Variants in CDH12 observed in about 807,000 individuals in gnomAD.
The protein encoded by CDH12 is cadherin 12, also known as cadherin-12.
A neutral mutation model predicts 74.1 loss-of-function variants in CDH12; 41 were observed. The ratio of observed to expected loss-of-function variants is 0.55; its 90% CI spans 0.43 to 0.72. CDH12 has a LOEUF of 0.72. Among genes scored for constraint, CDH12 ranks in the 30% least tolerant of loss-of-function variants. The pLI is 0.00. For missense variants in CDH12, 945 were observed against 977.2 expected (o/e 0.97, Z 0.44); for synonymous variants, 399 against 355.0 (o/e 1.12, Z -1.39).
At chr5:22,093,407 T>C (rs1035302701) in intron 4 of CDH12, among the ~76,000 whole-genome samples, 2 of 152,168 alleles carry the variant, frequency 1.3e-5, no homozygotes, top group African/African-American at 4.8e-5. Flanking sequence ...CTCATTTACA[T>C]AACACCATGC....
intron 2 of CDH12, among the ~76,000 whole-genome samples, chr5:22,472,570 C>G (rs1746006827): frequency 6.6e-6 from 1 of 152,124 alleles, no homozygotes; most frequent in South Asian, 2.1e-4. Context: ...TTTCCAAACT[C>G]TAACTCCAGA....
At chr5:22,549,651 G>A (rs1738480006) in intron 1 of CDH12, among the ~76,000 whole-genome samples, 2 of 152,046 alleles carry the variant, frequency 1.3e-5, no homozygotes, top group Non-Finnish European at 2.9e-5. Context: ...AGTTCAAAAC[G>A]ACTGGAAATT....
At chr5:22,625,960 C>T (rs567442621) in intron 1 of CDH12, among the ~76,000 whole-genome samples, 3 of 152,112 alleles carry the variant, frequency 2.0e-5, no homozygotes, top group Non-Finnish European at 4.4e-5. Flanking sequence ...GACCTTGCCT[C>T]CCCTCCTCCA....
rs75548122 is a variant in CDH12 at position 21,849,735 on chromosome 5, G to T, written c.646+4936C>A. Among the ~76,000 whole-genome samples, 263 of 151,866 alleles carry T rather than the reference G, an allele frequency of 1.7e-3. 7 individuals carry two copies. The East Asian group carries it at 0.04, about 23-fold the overall frequency. On this transcript the variant is annotated intron_variant, in intron 7 of 14. Coordinates refer to ENST00000382254, the MANE Select transcript of CDH12 (RefSeq NM_004061.5). Reference sequence around the variant, plus strand: ...CTGAGGTGTCTTACTCAGTTCTACAGATTTTATTCTGAATTAATATCAAAA... The same window carrying T: ...CTGAGGTGTCTTACTCAGTTCTACATATTTTATTCTGAATTAATATCAAAA...
intron 5 of CDH12, among the ~76,000 whole-genome samples, chr5:22,022,876 G>A (rs1738077163): frequency 2.0e-5 from 3 of 151,870 alleles, no homozygotes; most frequent in Admixed American, 6.6e-5. Context: ...TTTGTTTTTA[G>A]CTCTATTCCC....
chr5:22,189,424 A>G (rs1012863272), intron 4 of CDH12, among the ~76,000 whole-genome samples: 3 of 152,178 alleles, frequency 2.0e-5, no homozygotes, highest in African/African-American at 7.2e-5. Flanking sequence ...TTCCTATAGA[A>G]TATGGTCAAA....
rs1212567276 is a variant in CDH12, at chr5:22,225,579, A to G, written c.-332-12936T>C. ...ATTGATGAAACATTTTTGTAGATAA[A>G]TGGATAACCTTTTCTTTCTCCTCTT... is the stretch of plus-strand genomic sequence containing the variant. On this transcript the variant is annotated intron_variant, in intron 3 of 14. Transcript: ENST00000382254. 2.0e-5 allele frequency among the ~76,000 whole-genome samples: 3 copies of G among 152,104 alleles called. No individual in the cohort carries two copies. In the South Asian group the frequency reaches 6.2e-4, roughly 31 times the overall value.
At chr5:22,062,537 T>G (rs754701490) in intron 5 of CDH12, among the ~76,000 whole-genome samples, 3 of 152,098 alleles carry the variant, frequency 2.0e-5, no homozygotes, top group African/African-American at 2.4e-5. Flanking sequence ...AATTGTTCCT[T>G]CCACTGTTTT....
intron 6 of CDH12, among the ~76,000 whole-genome samples, chr5:21,866,024 T>C (rs1751308711): frequency 6.6e-6 from 1 of 152,204 alleles, no homozygotes; most frequent in African/African-American, 2.4e-5. Context: ...TGAGATCTGA[T>C]GGTTTTATGA....
chr5:22,183,888 G>C (rs1327357216), intron 4 of CDH12, among the ~76,000 whole-genome samples: 5 of 152,138 alleles, frequency 3.3e-5, no homozygotes, highest in African/African-American at 1.2e-4. Context: ...CAAAGCAAGA[G>C]ACTTGACAGT....
At chr5:22,646,973 C>T (rs1739468190) in intron 1 of CDH12, among the ~76,000 whole-genome samples, 1 of 151,856 alleles carries the variant, frequency 6.6e-6, no homozygotes, top group South Asian at 2.1e-4. Flanking sequence ...TTATATGGCT[C>T]ATAAACTACT....
intron 1 of CDH12, among the ~76,000 whole-genome samples, chr5:22,690,448 G>T (rs1339454436): frequency 6.6e-6 from 1 of 152,136 alleles, no homozygotes; most frequent in African/African-American, 2.4e-5. Context: ...TTGAAAAGCT[G>T]TAATGGTTAG....
intron 3 of CDH12, among the ~76,000 whole-genome samples, chr5:22,386,727 T>C (rs757923862): frequency 5.3e-5 from 8 of 152,168 alleles, no homozygotes; most frequent in South Asian, 2.1e-4. Flanking sequence ...ATTTTGTCTA[T>C]TGTTCATTAA....
chr5:22,631,511 A>G lies in CDH12; in HGVS notation c.-522-126147T>C, dbSNP rs376648714. 2.6e-5 allele frequency among the ~76,000 whole-genome samples: 4 copies of G among 152,166 alleles called. No individual in the cohort carries two copies. The East Asian group carries it at 7.7e-4, about 29-fold the overall frequency. On this transcript the variant is annotated intron_variant, in intron 1 of 14. Coordinates refer to ENST00000382254, the MANE Select transcript of CDH12 (RefSeq NM_004061.5). The stretch of plus-strand genomic sequence containing the variant: ...AACATGGATGGAGCTGGAGGCCATT[A>G]TCTTAAGTGAACCGGTGCAGGGACA...
At position 22,780,375 on chromosome 5, in the gene CDH12, A is replaced by G. The variant is rs184729694; in HGVS notation, c.-523+72683T>C. Among the ~76,000 whole-genome samples the G allele has an allele frequency of 3.2e-3, 486 of 152,242 alleles. 1 individual carries two copies. Among genetic ancestry groups the G allele is most frequent in the Non-Finnish European group, 5.6e-3 (378 of 68,020 alleles). Reference sequence around the variant, plus strand: ...TCCAGTCTCAGGCTGCTATAAAGAAATACGTGAGATTGGGTAATTTACAAA... The same window carrying G: ...TCCAGTCTCAGGCTGCTATAAAGAAGTACGTGAGATTGGGTAATTTACAAA... On this transcript the variant is annotated intron_variant, in intron 1 of 14. Coordinates refer to ENST00000382254, the MANE Select transcript of CDH12 (RefSeq NM_004061.5).
chr5:22,312,708 C>G (rs1226663879), intron 3 of CDH12, among the ~76,000 whole-genome samples: 1 of 152,142 alleles, frequency 6.6e-6, no homozygotes, highest in Non-Finnish European at 1.5e-5. Context: ...ACTAATCCAT[C>G]TTTTTTTCAT....
chr5:22,801,663 A>C, intron 1 of CDH12, among the ~76,000 whole-genome samples: 1 of 121,168 alleles, frequency 8.3e-6, no homozygotes, highest in Non-Finnish European at 1.6e-5. Flanking sequence ...ATATATATAT[A>C]TATATATATA....
intron 1 of CDH12, among the ~76,000 whole-genome samples, chr5:22,656,186 G>C (rs1444147117): frequency 1.3e-5 from 2 of 152,052 alleles, no homozygotes; most frequent in Non-Finnish European, 2.9e-5. Flanking sequence ...TCAAGAGTTT[G>C]TTACATTATA....
intron 4 of CDH12, among the ~76,000 whole-genome samples, chr5:22,110,232 T>C (rs1288538570): frequency 6.6e-6 from 1 of 152,172 alleles, no homozygotes; most frequent in African/African-American, 2.4e-5. Context: ...TTTAAGTGCC[T>C]TTAATTCAAA....
Sources: gnomAD v4.1 joint callset for allele counts (sites outside exome capture counted in the v4.1 genomes callset) on GRCh38, gnomAD v4.1.1 for gene constraint, MANE v1.5 for transcripts, NCBI Gene and HGNC (gene_info 2026-07-23, HGNC 2026-07-21) for gene names.